Variants in MSR1 observed in about 807,000 individuals in gnomAD.
MSR1 encodes macrophage scavenger receptor 1, also known as macrophage scavenger receptor types I and II.
Under a neutral mutation model 47.2 loss-of-function variants are expected in MSR1, and 53 were observed. The observed-to-expected ratio is 1.12, with a 90% CI of 0.90 to 1.41. MSR1 has a LOEUF of 1.41. Among genes scored for constraint, MSR1 ranks in the 40% most tolerant of loss-of-function variants. The probability of loss-of-function intolerance (pLI) is 0.00; values close to 1 mark genes in which losing one functional copy is unlikely to be tolerated. For synonymous variants in MSR1, 239 were observed against 185.6 expected (o/e 1.29, Z -2.34); for missense variants, 786 against 546.9 (o/e 1.44, Z -4.36).
intron 1 of MSR1, among the ~76,000 whole-genome samples, chr8:16,189,368 A>ATATTTTATATATATAAAATCT (rs1241704792): frequency 3.3e-5 from 4 of 120,944 alleles, no homozygotes; most frequent in South Asian, 2.5e-4. Flanking sequence ...ATTTTTATAT[A>ATATTTTATATATATAAAATCT]TATTTTATAT....
intron 9 of MSR1, among the ~76,000 whole-genome samples, chr8:16,112,942 A>ATTTT (rs1563136141): frequency 1.4e-4 from 16 of 117,786 alleles, no homozygotes; most frequent in African/African-American, 3.6e-4. Flanking sequence ...ATTTTTTTTA[A>ATTTT]GTTTTTTTTT....
At chr8:16,165,760 T>C (rs1801287704) in intron 4 of MSR1, among the ~76,000 whole-genome samples, 2 of 152,002 alleles carry the variant, frequency 1.3e-5, no homozygotes, top group Admixed American at 6.6e-5. Flanking sequence ...CCTTCGAAAA[T>C]AAATGAATGT....
At chr8:16,165,852 C>T (rs2117174171) in intron 4 of MSR1, among the ~76,000 whole-genome samples, 1 of 152,180 alleles carries the variant, frequency 6.6e-6, no homozygotes, top group East Asian at 1.9e-4. Flanking sequence ...GTGCCTTCTC[C>T]CAAACAAAAC....
intron 8 of MSR1, chr8:16,140,171 C>G (rs1235662095): frequency 6.1e-6 from 6 of 984,956 alleles, no homozygotes; most frequent in Non-Finnish European, 7.2e-6. Context: ...CTCATATTAT[C>G]AATACTCATG....
At chr8:16,124,817 G>C (rs1257965497) in intron 8 of MSR1, among the ~76,000 whole-genome samples, 1 of 152,164 alleles carries the variant, frequency 6.6e-6, no homozygotes. Flanking sequence ...GTTATGGCAT[G>C]AATGAGTAAA....
At chr8:16,155,168 A>C in intron 5 of MSR1, 24 bp from the exon 6 acceptor site, 1 of 1,577,886 alleles carries the variant, frequency 6.3e-7, no homozygotes, top group Non-Finnish European at 8.7e-7. Context: ...ACAGTTACTG[A>C]TCATAGTTGT....
chr8:16,152,324 T>C (rs1585165393), intron 6 of MSR1, among the ~76,000 whole-genome samples: 3 of 152,234 alleles, frequency 2.0e-5, no homozygotes, highest in Admixed American at 2.0e-4. Context: ...CTGTCCTTGC[T>C]GAAGCTTTAG....
chr8:16,191,906 G>A (rs1174540675), intron 1 of MSR1, among the ~76,000 whole-genome samples: 3 of 152,054 alleles, frequency 2.0e-5, no homozygotes, highest in South Asian at 4.1e-4. Flanking sequence ...TTTTCACATA[G>A]AAGTAATTTT....
chr8:16,185,098 G>T (rs186604028), intron 1 of MSR1, among the ~76,000 whole-genome samples: 2 of 151,624 alleles, frequency 1.3e-5, no homozygotes, highest in African/African-American at 4.8e-5. Context: ...TCTGGGCAAT[G>T]TTCAAAAGGG....
At chr8:16,135,503 C>T (rs540749642) in intron 8 of MSR1, among the ~76,000 whole-genome samples, 1,780 of 152,224 alleles carry the variant, frequency 0.012, 21 homozygotes, top group Non-Finnish European at 0.018. Flanking sequence ...TGAGAGTGCA[C>T]CTGGTCACCC....
intron 1 of MSR1, 24 bp from the exon 2 acceptor site, chr8:16,178,016 T>C (rs763134512): frequency 3.3e-5 from 51 of 1,561,454 alleles, no homozygotes; most frequent in Non-Finnish European, 4.3e-5. Flanking sequence ...TGGAAAAATA[T>C]ATTAATTCCA....
Position 16,150,297 on chromosome 8 carries a change from T to TAA in MSR1, c.911_912dup (p.Lys305LeufsTer41). 1 of 1,576,166 alleles carries TAA rather than the reference T, an allele frequency of 6.3e-7. No homozygotes were observed. The highest frequency in any genetic ancestry group is 8.6e-7 in the Non-Finnish European group (1 of 1,158,240). On this transcript the variant is annotated frameshift_variant, in exon 7 of 10. Transcript: ENST00000262101. LOFTEE classifies it high-confidence loss of function. ...AAGCCAATTGCTCCCCGATCACCTTTAAGACCCGGAGGACCTACATTATTA... is the reference window on the plus strand; with the variant it reads ...AAGCCAATTGCTCCCCGATCACCTTTAAAAGACCCGGAGGACCTACATTATTA...
intron 5 of MSR1, among the ~76,000 whole-genome samples, chr8:16,157,363 T>C (rs1395908061): frequency 1.3e-5 from 2 of 151,902 alleles, no homozygotes; most frequent in African/African-American, 2.4e-5. Flanking sequence ...AATAGATCAG[T>C]ATTATTTTAC....
chr8:16,110,081 T>A lies in MSR1; in HGVS notation c.*4A>T, dbSNP rs761000044. On this transcript the variant is annotated 3_prime_UTR_variant, in exon 10 of 10. Transcript: ENST00000262101. Reference sequence around the variant, plus strand: ...TTCATAGTTGTGAATGAAAATATGATGCATTATAAAGTGCAAGTGACTCCA... The same window carrying A: ...TTCATAGTTGTGAATGAAAATATGAAGCATTATAAAGTGCAAGTGACTCCA... 4.3e-6 allele frequency: 7 copies of A among 1,613,470 alleles called. No homozygotes were observed. Among genetic ancestry groups the A allele is most frequent in the Non-Finnish European group, 5.9e-6 (7 of 1,179,572 alleles).
At position 16,164,139 on chromosome 8, in the gene MSR1, T is replaced by A. The variant is rs1354405160; in HGVS notation, c.743A>T (p.Asn248Ile). The A allele has an allele frequency of 1.9e-6, 3 of 1,611,982 alleles. No homozygotes were observed. In the African/African-American group the frequency reaches 4.0e-5, roughly 22 times the overall value. The change falls in exon 5 of 10, where the codon AAT becomes ATT. Residue 248 changes from asparagine (N) to isoleucine (I), a missense_variant. Coordinates refer to ENST00000262101, the MANE Select transcript of MSR1 (RefSeq NM_138715.3). Reference sequence around the variant, plus strand: ...CAGTCTGAGATCATTAGTGATGTTATTCAGTACTTTCACTTCTCCTTTTAT... The same window carrying A: ...CAGTCTGAGATCATTAGTGATGTTAATCAGTACTTTCACTTCTCCTTTTAT... Reference protein sequence around the residue: ...QEIKGEVKVLNNITNDLRLKD... With the variant: ...QEIKGEVKVLINITNDLRLKD...
intron 7 of MSR1, among the ~76,000 whole-genome samples, chr8:16,144,620 T>A (rs1800650386): frequency 6.6e-6 from 1 of 152,148 alleles, no homozygotes; most frequent in Admixed American, 6.5e-5. Context: ...ACTGGGTATG[T>A]GACTTGGGAC....
chr8:16,185,125 C>G (rs1801957821), intron 1 of MSR1, among the ~76,000 whole-genome samples: 1 of 145,890 alleles, frequency 6.9e-6, no homozygotes, highest in South Asian at 2.3e-4. Context: ...TTATCATGAA[C>G]TGCACGAAAT....
chr8:16,168,504 TC>T lies in MSR1; in HGVS notation c.583del (p.Glu195LysfsTer3). ...TTLLDLQLNI[E>X]NLNGKIQENT... Reference sequence around the variant, plus strand: ...CTCTTGGATTTTGCCATTCAGATTTTCTATGTTGAGCTGCAAATCAAGCAAT... The same window carrying T: ...CTCTTGGATTTTGCCATTCAGATTTTTATGTTGAGCTGCAAATCAAGCAAT... On this transcript the variant is annotated frameshift_variant, in exon 4 of 10. Coordinates refer to ENST00000262101, the MANE Select transcript of MSR1 (RefSeq NM_138715.3). LOFTEE classifies it high-confidence loss of function. 1.2e-6 allele frequency: 2 copies of T among 1,614,170 alleles called. No homozygotes were observed. Among genetic ancestry groups the T allele is most frequent in the South Asian group, 2.2e-5 (2 of 91,088 alleles).
chr8:16,113,051 A>G (rs1585130079), intron 9 of MSR1, among the ~76,000 whole-genome samples: 1 of 149,520 alleles, frequency 6.7e-6, no homozygotes, highest in African/African-American at 2.5e-5. Context: ...CTGGGTTCAA[A>G]TGATTCTCCT....
Sources: allele counts gnomAD v4.1 joint callset (sites outside exome capture counted in the v4.1 genomes callset), GRCh38; gene constraint gnomAD v4.1.1; transcripts MANE v1.5; gene names NCBI Gene and HGNC (gene_info 2026-07-23, HGNC 2026-07-21).